SMAD6: variants seen among roughly 807,000 people sequenced by gnomAD.
SMAD6 encodes SMAD family member 6.
A neutral mutation model predicts 39.4 loss-of-function variants in SMAD6; 103 were observed. The ratio of observed to expected loss-of-function variants is 2.62; its 90% CI spans 2.23 to 3.08. SMAD6 has a LOEUF of 3.08. SMAD6 is among the 30% of genes most tolerant of loss of function. The pLI, the probability that SMAD6 is intolerant of heterozygous loss-of-function variation, is 0.00. For missense variants in SMAD6, 1,104 were observed against 742.9 expected (o/e 1.49, Z -5.65); for synonymous variants, 445 against 353.3 (o/e 1.26, Z -2.91).
At position 66,703,339 on chromosome 15, in the gene SMAD6, C is replaced by G; in HGVS notation, c.81C>G (p.Ser27Arg). The G allele has an allele frequency of 2.0e-6, 3 of 1,477,798 alleles. No homozygotes were observed. The highest frequency in any genetic ancestry group is 2.7e-6 in the Non-Finnish European group (3 of 1,113,442). The allele number at this position is 1,477,798 out of a possible 1,614,324, so 91.5% of individuals were successfully genotyped here. The change falls in exon 1 of 4, where the codon AGC (serine) becomes AGG (arginine). Residue 27 changes from serine (S) to arginine (R), a missense_variant. Ser to Arg is a moderately radical substitution (Grantham distance 110). Transcript: ENST00000288840. ...RVVPDREEGGSGGGGGGDEDG... is the reference protein window; with the variant it reads ...RVVPDREEGGRGGGGGGDEDG... ...TCCCCGACCGGGAGGAAGGCGGCAGCGGCGGCGGCGGTGGCGGCGACGAGG... is the reference window on the plus strand; with the variant it reads ...TCCCCGACCGGGAGGAAGGCGGCAGGGGCGGCGGCGGTGGCGGCGACGAGG...
chr15:66,728,805 C>G (rs1893570023), intron 3 of SMAD6, among the ~76,000 whole-genome samples: 1 of 152,200 alleles, frequency 6.6e-6, no homozygotes, highest in Non-Finnish European at 1.5e-5. Flanking sequence ...CATATCCATT[C>G]TATTACTGAT....
intron 3 of SMAD6, among the ~76,000 whole-genome samples, chr15:66,772,418 G>A (rs1014105987): frequency 2.6e-5 from 4 of 152,090 alleles, no homozygotes; most frequent in East Asian, 1.9e-4. Context: ...TATTATTATC[G>A]TGACTATTAT....
intron 3 of SMAD6, among the ~76,000 whole-genome samples, chr15:66,755,696 A>G (rs1894085442): frequency 6.6e-6 from 1 of 152,206 alleles, no homozygotes. Flanking sequence ...AGCTTGTCCC[A>G]GGAGTTTCAG....
At chr15:66,739,243 A>G (rs1175416184) in intron 3 of SMAD6, among the ~76,000 whole-genome samples, 5 of 152,134 alleles carry the variant, frequency 3.3e-5, no homozygotes, top group Admixed American at 1.3e-4. Context: ...GGCACCTGCC[A>G]TCACGCCTGG....
At chr15:66,712,112 TTAG>T (rs1377849102) in intron 2 of SMAD6, among the ~76,000 whole-genome samples, 3 of 152,204 alleles carry the variant, frequency 2.0e-5, no homozygotes, top group African/African-American at 4.8e-5. Flanking sequence ...AGTGTATTAA[TTAG>T]TAGTATGACA....
At chr15:66,760,275 G>A (rs546964947) in intron 3 of SMAD6, among the ~76,000 whole-genome samples, 1 of 152,198 alleles carries the variant, frequency 6.6e-6, no homozygotes, top group East Asian at 1.9e-4. Context: ...GATGTGTCTC[G>A]GTCTCCTGGT....
At chr15:66,778,675 G>A (rs954125201) in intron 3 of SMAD6, among the ~76,000 whole-genome samples, 1 of 152,218 alleles carries the variant, frequency 6.6e-6, no homozygotes. Context: ...GACTTGCTCA[G>A]TGTGCAGGTT....
At chr15:66,736,076 C>T (rs1249491779) in intron 3 of SMAD6, among the ~76,000 whole-genome samples, 1 of 152,088 alleles carries the variant, frequency 6.6e-6, no homozygotes, top group African/African-American at 2.4e-5. Flanking sequence ...CAAAGCCACC[C>T]ACGGAGTGCT....
intron 3 of SMAD6, among the ~76,000 whole-genome samples, chr15:66,732,678 GTTGT>G (rs1893650714): frequency 1.3e-5 from 2 of 152,060 alleles, no homozygotes; most frequent in African/African-American, 4.8e-5. Context: ...TAAATATTGG[GTTGT>G]TTGTTTTCTT....
chr15:66,756,442 G>A (rs1245903230), intron 3 of SMAD6, among the ~76,000 whole-genome samples: 1 of 152,142 alleles, frequency 6.6e-6, no homozygotes. Flanking sequence ...ATTTTTTGCA[G>A]ATGTTGATTT....
chr15:66,754,640 G>A (rs1286546654), intron 3 of SMAD6, among the ~76,000 whole-genome samples: 1 of 152,204 alleles, frequency 6.6e-6, no homozygotes, highest in East Asian at 1.9e-4. Context: ...CCTACTAGCT[G>A]TTCAGCACAG....
intron 3 of SMAD6, among the ~76,000 whole-genome samples, chr15:66,753,075 G>C (rs1437974364): frequency 6.6e-6 from 1 of 152,230 alleles, no homozygotes; most frequent in Non-Finnish European, 1.5e-5. Context: ...CCATTTTGCA[G>C]GTGAAGTTGA....
rs191307559 is a variant in SMAD6 at position 66,757,066 on chromosome 15, C to T, written c.953-23931C>T. On this transcript the variant is annotated intron_variant, in intron 3 of 3. Transcript: ENST00000288840. ...TCTGCTGCTGACTAGCTCTGGTGTC[C>T]TGAGGACATGGCTTAATCTCCCTGA... 2.1e-3 allele frequency among the ~76,000 whole-genome samples: 327 copies of T among 152,278 alleles called. 1 individual carries two copies. The highest frequency in any genetic ancestry group is 7.7e-3 in the African/African-American group (320 of 41,546).
At chr15:66,733,061 GA>G (rs1893657566) in intron 3 of SMAD6, among the ~76,000 whole-genome samples, 1 of 151,722 alleles carries the variant, frequency 6.6e-6, no homozygotes. Context: ...ATCATTTGTT[GA>G]AACGACTACT....
intron 3 of SMAD6, among the ~76,000 whole-genome samples, chr15:66,765,566 C>G (rs1421109970): frequency 6.6e-6 from 1 of 152,160 alleles, no homozygotes; most frequent in Non-Finnish European, 1.5e-5. Context: ...CCCTTTCCAG[C>G]TAGTAAGAAT....
At position 66,703,498 on chromosome 15, in the gene SMAD6, G is replaced by C; in HGVS notation, c.240G>C (p.Ala80=). The C allele has an allele frequency of 5.7e-6, 7 of 1,228,688 alleles. No homozygotes were observed. The highest frequency in any genetic ancestry group is 6.1e-6 in the Non-Finnish European group (6 of 981,964). 76.1% of individuals were successfully genotyped at this position (1,228,688 alleles called of 1,614,324 possible). Residue 80 remains alanine (A), a synonymous_variant, in exon 1 of 4, where the codon GCG becomes GCC. Transcript: ENST00000288840. ...DAVGQRGAQG[A]GRRRRAGGPP... Reference sequence around the variant, plus strand: ...TGGGACAGCGAGGCGCCCAGGGCGCGGGGAGGCGCCGGCGCGCAGGGGGCC... The same window carrying C: ...TGGGACAGCGAGGCGCCCAGGGCGCCGGGAGGCGCCGGCGCGCAGGGGGCC...
chr15:66,750,060 G>A (rs1893974915), intron 3 of SMAD6, among the ~76,000 whole-genome samples: 1 of 152,166 alleles, frequency 6.6e-6, no homozygotes, highest in African/African-American at 2.4e-5. Context: ...AGATTAACCA[G>A]TGGCCCTGTA....
At chr15:66,748,624 C>T (rs1893947142) in intron 3 of SMAD6, among the ~76,000 whole-genome samples, 3 of 152,110 alleles carry the variant, frequency 2.0e-5, no homozygotes, top group South Asian at 2.1e-4. Flanking sequence ...AAAACGTTAG[C>T]GTTTGAACTG....
At position 66,745,977 on chromosome 15, in the gene SMAD6, C is replaced by A. The variant is rs545211057; in HGVS notation, c.952+29479C>A. Reference sequence around the variant, plus strand: ...CCAGTTCAGAGCCAGAGACAAAGGCCTGTTGCAGGCAGGTGTGGCCATTAG... The same window carrying A: ...CCAGTTCAGAGCCAGAGACAAAGGCATGTTGCAGGCAGGTGTGGCCATTAG... On this transcript the variant is annotated intron_variant, in intron 3 of 3. Coordinates refer to ENST00000288840, the MANE Select transcript of SMAD6 (RefSeq NM_005585.5). Among the ~76,000 whole-genome samples, 60 of 152,324 alleles carry A rather than the reference C, an allele frequency of 3.9e-4. No homozygotes were observed. The South Asian group carries it at 5.6e-3, about 14-fold the overall frequency.
Sources: gnomAD v4.1 joint callset for allele counts (sites outside exome capture counted in the v4.1 genomes callset) on GRCh38, gnomAD v4.1.1 for gene constraint, MANE v1.5 for transcripts, NCBI Gene and HGNC (gene_info 2026-07-23, HGNC 2026-07-21) for gene names.